Variants in ZNF610 observed in about 807,000 individuals in gnomAD.
ZNF610 encodes the protein zink finger protein.
Under a neutral mutation model 14.1 loss-of-function variants are expected in ZNF610, and 14 were observed. The observed-to-expected ratio is 0.99, with a 90% CI of 0.65 to 1.55. The LOEUF (loss-of-function observed/expected upper bound fraction) is 1.55. Ranked by LOEUF, ZNF610 falls within the 40% of genes most tolerant of loss-of-function variation. The pLI is 0.00. For synonymous variants in ZNF610, 185 were observed against 187.6 expected (o/e 0.99, Z 0.11); for missense variants, 530 against 558.0 (o/e 0.95, Z 0.51).
In ZNF610 at chr19:52,356,413, G is replaced by C. The variant is rs555035420; in HGVS notation, c.319+2034G>C. 2.6e-5 allele frequency among the ~76,000 whole-genome samples: 4 copies of C among 152,206 alleles called. No homozygotes were observed. The South Asian group carries it at 8.3e-4, about 32-fold the overall frequency. On this transcript the variant is annotated intron_variant, in intron 5 of 5. Transcript: ENST00000403906. ...TTCAAACCACTGTTACTTTCATCTT[G>C]TACCTTTCCATGTATTATAAATTAA...
At chr19:52,333,626 A>G (rs1984258114), upstream of ZNF610, among the ~76,000 whole-genome samples, 1 of 152,270 alleles carries the variant, frequency 6.6e-6, no homozygotes, top group Non-Finnish European at 1.5e-5. Flanking sequence ...TAAGTAAAAT[A>G]GTAACCTCTG....
chr19:52,344,356 C>T (rs1183896646), intron 1 of ZNF610, among the ~76,000 whole-genome samples: 1 of 152,022 alleles, frequency 6.6e-6, no homozygotes, highest in Non-Finnish European at 1.5e-5. Context: ...TCCAGCCTGA[C>T]CCCACCCCAA....
the ZNF610 span, among the ~76,000 whole-genome samples, chr19:52,330,665 T>G: frequency 1.3e-5 from 2 of 152,086 alleles, no homozygotes; most frequent in Admixed American, 1.3e-4. Context: ...AGGTGGAGAG[T>G]GCAGGACACG....
In ZNF610 at chr19:52,366,821, A is replaced by G; in HGVS notation, c.*54A>G. ...CACCTAGCACAACATTGGAGGACTCAGGAGAAAAACCTTACAAATATCATA... is the reference window on the plus strand; with the variant it reads ...CACCTAGCACAACATTGGAGGACTCGGGAGAAAAACCTTACAAATATCATA... On this transcript the variant is annotated 3_prime_UTR_variant, in exon 6 of 6. Coordinates refer to ENST00000403906, the MANE Select transcript of ZNF610 (RefSeq NM_001161425.2). The G allele has an allele frequency of 2.1e-6, 3 of 1,408,564 alleles. No homozygotes were observed. The highest frequency in any genetic ancestry group is 2.3e-5 in the East Asian group (1 of 43,462). 87.3% of individuals were successfully genotyped at this position (1,408,564 alleles called of 1,614,324 possible).
rs536298827 is a variant in ZNF610, at chr19:52,354,149, A to G, written c.191-102A>G. On this transcript the variant is annotated intron_variant, in intron 4 of 5. Coordinates refer to ENST00000403906, the MANE Select transcript of ZNF610 (RefSeq NM_001161425.2). ...CAGTCTGTGGGTGAACTTGTGAGAT[A>G]TTATTCTTGATCCATTTGCGATATC... 81 of 1,496,108 alleles carry G rather than the reference A, an allele frequency of 5.4e-5. 1 individual carries two copies. The African/African-American group carries it at 7.4e-4, about 14-fold the overall frequency. The allele number at this position is 1,496,108 out of a possible 1,614,324, so 92.7% of individuals were successfully genotyped here. A position where few individuals can be genotyped will look rare whatever the true frequency, so the allele number is the denominator to read the frequency against.
chr19:52,350,501 A>T (rs1280736422), intron 3 of ZNF610, among the ~76,000 whole-genome samples: 1 of 152,092 alleles, frequency 6.6e-6, no homozygotes, highest in African/African-American at 2.4e-5. Flanking sequence ...AACATAGTGA[A>T]ACCCTGTCTC....
In ZNF610 at chr19:52,366,782, T is replaced by C. The variant is rs1411167190; in HGVS notation, c.*15T>C. The C allele has an allele frequency of 1.3e-6, 2 of 1,586,518 alleles. No homozygotes were observed. The highest frequency in any genetic ancestry group is 2.7e-5 in the African/African-American group (2 of 74,138). On this transcript the variant is annotated 3_prime_UTR_variant, in exon 6 of 6. Transcript: ENST00000403906. ...AGATGGAATGAATGTGGCAAAATCT[T>C]TAGTTAGAATTCACACCTAGCACAA...
At chr19:52,345,773 C>T (rs1480617997) in intron 1 of ZNF610, among the ~76,000 whole-genome samples, 2 of 150,308 alleles carry the variant, frequency 1.3e-5, no homozygotes, top group Non-Finnish European at 3.0e-5. Context: ...GGGGTGATCT[C>T]GACTCACTGC....
At chr19:52,357,347 C>G (rs1391621404) in intron 5 of ZNF610, among the ~76,000 whole-genome samples, 1 of 151,966 alleles carries the variant, frequency 6.6e-6, no homozygotes, top group East Asian at 1.9e-4. Context: ...GTTATCTCTA[C>G]AAAAAATTAA....
At chr19:52,353,921 G>C in intron 4 of ZNF610, 113 bp downstream of exon 4, 1 of 1,360,412 alleles carries the variant, frequency 7.4e-7, no homozygotes, top group Admixed American at 2.4e-5. Context: ...AAACCTTGTT[G>C]ACTCAGAAAT....
At position 52,349,193 on chromosome 19, in the gene ZNF610, C is replaced by T. The variant is rs1985115822; in HGVS notation, c.21C>T (p.Ala7=). The change falls in exon 3 of 6, where the codon GCC becomes GCT. Residue 7 remains alanine (A), a synonymous_variant. Transcript: ENST00000403906. Reference sequence around the variant, plus strand: ...CAGTCATGCTATGTGATGAAGAAGCCCAGAAGAGGAAAGCAAAGGAGTCAG... The same window carrying T: ...CAGTCATGCTATGTGATGAAGAAGCTCAGAAGAGGAAAGCAAAGGAGTCAG... MLCDEE[A]QKRKAKESGM... is the part of the protein sequence containing the mutation. 6.2e-7 allele frequency: 1 copy of T among 1,612,416 alleles called. No homozygotes were observed. Among genetic ancestry groups the T allele is most frequent in the African/African-American group, 1.3e-5 (1 of 74,428 alleles).
intron 5 of ZNF610, among the ~76,000 whole-genome samples, chr19:52,357,046 A>T (rs979439669): frequency 6.6e-5 from 10 of 152,152 alleles, no homozygotes; most frequent in African/African-American, 2.4e-4. Context: ...AGTCTCCAAT[A>T]CTGCCCCCTT....
intron 5 of ZNF610, 108 bp from the exon 6 acceptor site, chr19:52,365,590 G>A (rs1002168877): frequency 4.1e-6 from 4 of 984,530 alleles, no homozygotes; most frequent in East Asian, 2.4e-5. Flanking sequence ...AAAGTATGCC[G>A]ATACTTCTTC....
upstream of ZNF610, among the ~76,000 whole-genome samples, chr19:52,333,506 T>A (rs1247502344): frequency 6.6e-6 from 1 of 152,212 alleles, no homozygotes; most frequent in South Asian, 2.1e-4. Flanking sequence ...CAGGCTATGA[T>A]TCTCTGCTAA....
chr19:52,347,628 C>T (rs1191444270), intron 1 of ZNF610, 79 bp from the exon 2 acceptor site: 1 of 152,148 alleles, frequency 6.6e-6, no homozygotes, highest in African/African-American at 2.4e-5. Context: ...GTGATCGTCC[C>T]ACCACAGCCT....
chr19:52,339,092 A>G (rs1362227685), intron 1 of ZNF610, among the ~76,000 whole-genome samples: 4 of 152,150 alleles, frequency 2.6e-5, no homozygotes, highest in African/African-American at 9.6e-5. Flanking sequence ...CTTGATGTGC[A>G]TGTATACAAA....
chr19:52,335,946 G>C (rs321919), upstream of ZNF610, among the ~76,000 whole-genome samples: 109,193 of 152,126 alleles, frequency 0.72, 40,318 homozygotes, highest in African/African-American at 0.89. Flanking sequence ...GCTCAGTGTA[G>C]ACTCGAACTC....
intron 5 of ZNF610, among the ~76,000 whole-genome samples, chr19:52,357,513 C>A (rs1340422503): frequency 6.6e-6 from 1 of 152,002 alleles, no homozygotes; most frequent in Admixed American, 6.6e-5. Flanking sequence ...GGTGTGGTTG[C>A]AGACGCCTGT....
chr19:52,331,490 C>G (rs779714329), upstream of ZNF610, among the ~76,000 whole-genome samples: 79 of 152,300 alleles, frequency 5.2e-4, no homozygotes, highest in Non-Finnish European at 8.4e-4. Flanking sequence ...GAGAAAAGGT[C>G]AGGGAGCCGA....
Sources: allele counts gnomAD v4.1 joint callset (sites outside exome capture counted in the v4.1 genomes callset), GRCh38; gene constraint gnomAD v4.1.1; transcripts MANE v1.5; gene names NCBI Gene and HGNC (gene_info 2026-07-23, HGNC 2026-07-21).